HSD17B12: variants seen among roughly 807,000 people sequenced by gnomAD.
The protein encoded by HSD17B12 is hydroxysteroid 17-beta dehydrogenase 12, also known as very-long-chain 3-oxoacyl-CoA reductase.
Under a neutral mutation model 39.3 loss-of-function variants are expected in HSD17B12, and 32 were observed. The observed-to-expected ratio is 0.81, with a 90% CI of 0.61 to 1.09. The LOEUF (loss-of-function observed/expected upper bound fraction) is 1.09, where lower values mean the gene tolerates loss of function less well. HSD17B12 is among the 50% of genes least tolerant of loss of function. HSD17B12 has a pLI of 0.00. For synonymous variants in HSD17B12, 150 were observed against 146.7 expected (o/e 1.02, Z -0.16); for missense variants, 342 against 382.9 (o/e 0.89, Z 0.89).
chr11:43,639,225 G>C, the HSD17B12 span, among the ~76,000 whole-genome samples: 1 of 152,326 alleles, frequency 6.6e-6, no homozygotes, highest in East Asian at 1.9e-4. Flanking sequence ...ACTTTTGTAA[G>C]GTGTGGAGAT....
the HSD17B12 span, among the ~76,000 whole-genome samples, chr11:43,625,048 G>A: frequency 6.6e-6 from 1 of 151,622 alleles, no homozygotes; most frequent in African/African-American, 2.4e-5. Context: ...AAATGTTCAA[G>A]TACAGACAAA....
the HSD17B12 span, among the ~76,000 whole-genome samples, chr11:43,582,839 T>C: frequency 1.6e-4 from 24 of 152,164 alleles, no homozygotes; most frequent in African/African-American, 5.8e-4. Context: ...AAATCAGAGC[T>C]TTCCTCCCCA....
chr11:43,591,138 T>C, the HSD17B12 span, among the ~76,000 whole-genome samples: 1 of 152,150 alleles, frequency 6.6e-6, no homozygotes, highest in African/African-American at 2.4e-5. Flanking sequence ...TAAAAAATGT[T>C]TTTAATAAAT....
At chr11:43,668,226 G>A in the HSD17B12 span, among the ~76,000 whole-genome samples, 6,870 of 152,272 alleles carry the variant, frequency 0.045, 243 homozygotes, top group South Asian at 0.11. Context: ...GATACTAGGA[G>A]GAAGTTAATT....
At chr11:43,827,538 G>T (rs1466783257) in intron 6 of HSD17B12, among the ~76,000 whole-genome samples, 1 of 152,110 alleles carries the variant, frequency 6.6e-6, no homozygotes, top group African/African-American at 2.4e-5. Context: ...ATAAGATTGT[G>T]GAGGCTTTTC....
the HSD17B12 span, among the ~76,000 whole-genome samples, chr11:43,598,708 T>C: frequency 6.6e-6 from 1 of 152,210 alleles, no homozygotes; most frequent in Non-Finnish European, 1.5e-5. Context: ...ACTTTTCTCA[T>C]TCATCCATCT....
chr11:43,818,799 T>C (rs1408169162), intron 6 of HSD17B12, among the ~76,000 whole-genome samples: 1 of 152,176 alleles, frequency 6.6e-6, no homozygotes, highest in East Asian at 1.9e-4. Flanking sequence ...CCAAGATCAT[T>C]ATAAGGGCTC....
chr11:43,835,703 G>GT (rs921733227), intron 7 of HSD17B12, among the ~76,000 whole-genome samples: 1 of 152,044 alleles, frequency 6.6e-6, no homozygotes, highest in African/African-American at 2.4e-5. Flanking sequence ...GTTTTCATGT[G>GT]TTTTAGCATG....
chr11:43,822,869 A>G (rs1416957359), intron 6 of HSD17B12, among the ~76,000 whole-genome samples: 1 of 152,092 alleles, frequency 6.6e-6, no homozygotes, highest in Non-Finnish European at 1.5e-5. Context: ...GCTGGGTCAA[A>G]TGGTATTTGT....
At chr11:43,635,022 G>T in the HSD17B12 span, among the ~76,000 whole-genome samples, 1 of 152,056 alleles carries the variant, frequency 6.6e-6, no homozygotes, top group African/African-American at 2.4e-5. Flanking sequence ...GAAATACTTG[G>T]GAGTAAAGTG....
chr11:43,776,730 C>T (rs1019719953), intron 3 of HSD17B12, among the ~76,000 whole-genome samples: 52 of 152,132 alleles, frequency 3.4e-4, no homozygotes, highest in East Asian at 9.7e-4. Flanking sequence ...AGGGTTTTTA[C>T]GGTTTTAGGT....
chr11:43,643,382 C>T, the HSD17B12 span, among the ~76,000 whole-genome samples: 17 of 152,006 alleles, frequency 1.1e-4, no homozygotes, highest in Non-Finnish European at 1.9e-4. Context: ...TGAGAAAAAC[C>T]TTGAAGGAGT....
the HSD17B12 span, among the ~76,000 whole-genome samples, chr11:43,598,453 C>T: frequency 2.4e-4 from 37 of 151,774 alleles, no homozygotes; most frequent in African/African-American, 8.5e-4. Flanking sequence ...ATTCGCTCTT[C>T]TTGCATCCCC....
the HSD17B12 span, among the ~76,000 whole-genome samples, chr11:43,568,323 G>C: frequency 1.3e-5 from 2 of 151,972 alleles, no homozygotes; most frequent in Non-Finnish European, 2.9e-5. Flanking sequence ...GGCTGGTCTT[G>C]ATCTTCTGAC....
chr11:43,723,678 A>G (rs1487395703), intron 1 of HSD17B12, among the ~76,000 whole-genome samples: 1 of 152,268 alleles, frequency 6.6e-6, no homozygotes, highest in African/African-American at 2.4e-5. Flanking sequence ...CTTACTAACA[A>G]AACGTTCAGT....
the HSD17B12 span, among the ~76,000 whole-genome samples, chr11:43,577,452 C>A: frequency 1.3e-5 from 2 of 152,274 alleles, no homozygotes; most frequent in Admixed American, 1.3e-4. Flanking sequence ...AGTGGCTCAC[C>A]GGCTTTCCCT....
chr11:43,680,774 A>ATTCATTCACTCGCTCTT lies in HSD17B12; in HGVS notation c.-44_-28dup. The ATTCATTCACTCGCTCTT allele has an allele frequency of 6.6e-7, 1 of 1,510,962 alleles. No individual in the cohort carries two copies. The highest frequency in any genetic ancestry group is 9.2e-7 in the Non-Finnish European group (1 of 1,086,766). 93.6% of individuals were successfully genotyped at this position (1,510,962 alleles called of 1,614,324 possible). On this transcript the variant is annotated 5_prime_UTR_variant, in exon 1 of 11. Coordinates refer to ENST00000278353, the MANE Select transcript of HSD17B12 (RefSeq NM_016142.3). The stretch of plus-strand genomic sequence containing the variant: ...CGTCACGGCCGGCGCCTCCTCCTGG[A>ATTCATTCACTCGCTCTT]TTCATTCACTCGCTCTTTTCATTCA...
At chr11:43,578,618 C>G in the HSD17B12 span, among the ~76,000 whole-genome samples, 1 of 152,192 alleles carries the variant, frequency 6.6e-6, no homozygotes, top group Admixed American at 6.5e-5. Context: ...GGTTCCCTTT[C>G]CCAAGCCTCG....
intron 3 of HSD17B12, chr11:43,755,590 C>T (rs1348008008): frequency 6.6e-6 from 1 of 152,218 alleles, no homozygotes; most frequent in East Asian, 1.9e-4. Flanking sequence ...CGTCCAAATT[C>T]TTTCAATGAG....
Sources: gnomAD v4.1 joint callset for allele counts (sites outside exome capture counted in the v4.1 genomes callset) on GRCh38, gnomAD v4.1.1 for gene constraint, MANE v1.5 for transcripts, NCBI Gene and HGNC (gene_info 2026-07-23, HGNC 2026-07-21) for gene names.